The following NRXN3 variants were observed in gnomAD, a reference collection of about 807,000 sequenced individuals.
NRXN3 encodes neurexin III.
In NRXN3, 32 loss-of-function variants were observed where a neutral mutation model predicts 137.6. That is an observed-to-expected ratio of 0.23 (90% confidence interval 0.18 to 0.31). The LOEUF (loss-of-function observed/expected upper bound fraction) is 0.31. Among genes scored for constraint, NRXN3 ranks in the 10% least tolerant of loss-of-function variants. The pLI, the probability that NRXN3 is intolerant of heterozygous loss-of-function variation, is 1.00. For missense variants in NRXN3, 1,574 were observed against 2,062.5 expected (o/e 0.76, Z 4.59); for synonymous variants, 798 against 784.5 (o/e 1.02, Z -0.29).
At chr14:79,451,267 C>T (rs2096167526) in intron 15 of NRXN3, among the ~76,000 whole-genome samples, 2 of 152,048 alleles carry the variant, frequency 1.3e-5, no homozygotes, top group South Asian at 2.1e-4. Flanking sequence ...GGGAAATGAG[C>T]TCCAGCATAA....
intron 15 of NRXN3, among the ~76,000 whole-genome samples, chr14:79,008,632 A>AT (rs988479970): frequency 1.3e-4 from 18 of 139,206 alleles, no homozygotes; most frequent in South Asian, 6.9e-4. Flanking sequence ...AATGAATCTG[A>AT]TTTTTTTTCT....
chr14:79,805,302 G>A, intron 20 of NRXN3, 112 bp downstream of exon 20: 2 of 581,458 alleles, frequency 3.4e-6, no homozygotes, highest in Admixed American at 3.0e-5. Context: ...GTGTGTTAAT[G>A]TGTGTATATT....
intron 15 of NRXN3, among the ~76,000 whole-genome samples, chr14:79,372,263 T>C (rs565973536): frequency 6.6e-6 from 1 of 152,178 alleles, no homozygotes; most frequent in East Asian, 1.9e-4. Context: ...GGAAGTCTTC[T>C]AAAGCATTCG....
rs2153539687 is a variant in NRXN3 at position 79,424,953 on chromosome 14, C to T, written c.3263-42268C>T. On this transcript the variant is annotated intron_variant, in intron 15 of 20. Transcript: ENST00000335750. ...CTTCAAGAGCTAAATGACTGATTGG[C>T]AGCAAGCTGACTAACTGTTCTTTAT... 2.0e-5 allele frequency among the ~76,000 whole-genome samples: 3 copies of T among 152,230 alleles called. No homozygotes were observed. The South Asian group carries it at 6.2e-4, about 32-fold the overall frequency.
intron 10 of NRXN3, among the ~76,000 whole-genome samples, chr14:78,855,130 C>G (rs1011630004): frequency 6.6e-6 from 1 of 151,142 alleles, no homozygotes; most frequent in African/African-American, 2.4e-5. Context: ...CGCTGCTGCA[C>G]TCCAGCTTGG....
intron 4 of NRXN3, among the ~76,000 whole-genome samples, chr14:78,430,251 T>C (rs1267326353): frequency 2.0e-5 from 3 of 152,104 alleles, no homozygotes; most frequent in Non-Finnish European, 2.9e-5. Flanking sequence ...TTTTGAAAAA[T>C]GAAAAAGAAT....
chr14:78,225,182 T>G (rs2064385202), intron 1 of NRXN3, among the ~76,000 whole-genome samples: 1 of 152,204 alleles, frequency 6.6e-6, no homozygotes, highest in African/African-American at 2.4e-5. Flanking sequence ...CACACTGACT[T>G]CCACAATGGT....
chr14:78,463,119 A>G (rs1368376384), intron 4 of NRXN3, among the ~76,000 whole-genome samples: 2 of 152,184 alleles, frequency 1.3e-5, no homozygotes, highest in Non-Finnish European at 2.9e-5. Context: ...TGTTTCTGAA[A>G]TAGTTCACTT....
chr14:79,819,974 G>A (rs2099266361), intron 20 of NRXN3, among the ~76,000 whole-genome samples: 2 of 152,168 alleles, frequency 1.3e-5, no homozygotes, highest in Non-Finnish European at 2.9e-5. Context: ...TCTGCTAGGT[G>A]TGGGCTGCAT....
intron 16 of NRXN3, among the ~76,000 whole-genome samples, chr14:79,470,129 G>T (rs542105699): frequency 7.2e-4 from 109 of 152,232 alleles, no homozygotes; most frequent in Non-Finnish European, 1.4e-3. Flanking sequence ...AAGTGGAAGG[G>T]ATTGAGCATA....
intron 19 of NRXN3, among the ~76,000 whole-genome samples, chr14:79,728,892 T>C (rs2098909464): frequency 6.6e-6 from 1 of 152,200 alleles, no homozygotes; most frequent in South Asian, 2.1e-4. Flanking sequence ...TAACTCCAGA[T>C]GCCAAATTGT....
intron 20 of NRXN3, among the ~76,000 whole-genome samples, chr14:79,845,688 C>T (rs865958353): frequency 4.6e-5 from 3 of 64,814 alleles, no homozygotes; most frequent in Non-Finnish European, 8.1e-5. Context: ...GGGAGAGAGA[C>T]GGAGACGGGG....
intron 8 of NRXN3, among the ~76,000 whole-genome samples, chr14:78,738,817 T>G (rs1200359269): frequency 6.6e-6 from 1 of 152,056 alleles, no homozygotes; most frequent in Non-Finnish European, 1.5e-5. Context: ...AAACAGGAAT[T>G]AGATCAGGGA....
intron 20 of NRXN3, among the ~76,000 whole-genome samples, chr14:79,838,266 G>A (rs140025352): frequency 1.5e-4 from 23 of 151,944 alleles, no homozygotes; most frequent in East Asian, 3.9e-4. Context: ...TGAAATAAGC[G>A]TTACTATAGA....
chr14:79,349,035 A>G (rs2093055866), intron 15 of NRXN3, among the ~76,000 whole-genome samples: 1 of 152,214 alleles, frequency 6.6e-6, no homozygotes, highest in African/African-American at 2.4e-5. Context: ...GTGGCAAATC[A>G]TTAATTATCA....
rs189614082 is a variant in NRXN3, at chr14:78,285,972, G to A, written c.727+7310G>A. Among the ~76,000 whole-genome samples, 478 of 152,274 alleles carry A rather than the reference G, an allele frequency of 3.1e-3. 3 individuals are homozygous for A. The highest frequency in any genetic ancestry group is 9.7e-3 in the African/African-American group (405 of 41,554). ...GTAGCTGTTCTCGATGAGTAAGTGTGAGTAAGGAGCTGCTTCTCAACCTGC... is the reference window on the plus strand; with the variant it reads ...GTAGCTGTTCTCGATGAGTAAGTGTAAGTAAGGAGCTGCTTCTCAACCTGC... On this transcript the variant is annotated intron_variant, in intron 3 of 20. Coordinates refer to ENST00000335750, the MANE Select transcript of NRXN3 (RefSeq NM_001330195.2).
At chr14:79,472,371 A>G (rs2096520907) in intron 16 of NRXN3, among the ~76,000 whole-genome samples, 1 of 152,230 alleles carries the variant, frequency 6.6e-6, no homozygotes, top group Admixed American at 6.5e-5. Context: ...GCCTTTGGTC[A>G]TTTTAAAAAA....
intron 4 of NRXN3, among the ~76,000 whole-genome samples, chr14:78,402,673 C>T (rs890002409): frequency 2.6e-5 from 4 of 152,296 alleles, no homozygotes; most frequent in Middle Eastern, 3.4e-3. Context: ...TCTGAAATCA[C>T]ATAGGTCTAA....
intron 3 of NRXN3, among the ~76,000 whole-genome samples, chr14:78,282,733 C>G (rs75726782): frequency 0.02 from 3,055 of 152,288 alleles, 102 homozygotes; most frequent in African/African-American, 0.069. Flanking sequence ...TAAGTCATCT[C>G]AGGCTGTCCT....
Sources: allele counts gnomAD v4.1 joint callset (sites outside exome capture counted in the v4.1 genomes callset), GRCh38; gene constraint gnomAD v4.1.1; transcripts MANE v1.5; gene names NCBI Gene and HGNC (gene_info 2026-07-23, HGNC 2026-07-21).